AIDA: variants seen among roughly 807,000 people sequenced by gnomAD.
AIDA encodes axin interactor, dorsalization associated, also known as axin interactor, dorsalization-associated protein.
A neutral mutation model predicts 42.7 loss-of-function variants in AIDA; 18 were observed. The observed-to-expected ratio is 0.42, with a 90% CI of 0.29 to 0.63. The LOEUF is 0.63. Ranked by LOEUF, AIDA falls within the 20% of genes least tolerant of loss-of-function variation. The pLI is 0.19. For synonymous variants in AIDA, 104 were observed against 122.9 expected, an observed-to-expected ratio of 0.85 and a Z score of 1.02; for missense variants, 250 against 354.1, an observed-to-expected ratio of 0.71 and a Z score of 2.36.
In AIDA at chr1:222,676,231, A is replaced by G. The variant is rs571981098; in HGVS notation, c.461-13T>C. On this transcript the variant is annotated splice_polypyrimidine_tract_variant and intron_variant, in intron 6 of 9. Coordinates refer to ENST00000340020, the MANE Select transcript of AIDA (RefSeq NM_022831.4). ...GGTAATAAAGTACCTGGCAACAGAG[A>G]AAAAGCAATAAAAGCTCCATATCAT... is the stretch of plus-strand genomic sequence containing the variant. The G allele has an allele frequency of 1.1e-4, 173 of 1,602,202 alleles. 2 individuals are homozygous for G. The South Asian group carries it at 1.8e-3, about 17-fold the overall frequency.
chr1:222,699,928 CGCTG>C (rs1655642022), intron 2 of AIDA, among the ~76,000 whole-genome samples: 1 of 152,062 alleles, frequency 6.6e-6, no homozygotes, highest in Non-Finnish European at 1.5e-5. Flanking sequence ...CCCGCCACCA[CGCTG>C]GCTAATTTTT....
chr1:222,674,046 C>T (rs941877283), intron 7 of AIDA, among the ~76,000 whole-genome samples: 2 of 152,140 alleles, frequency 1.3e-5, no homozygotes, highest in Admixed American at 6.5e-5. Context: ...AAGATCGCGC[C>T]ACTGCACTCC....
rs1664536166 is a variant in AIDA at position 222,675,978 on chromosome 1, A to AAAATGAGTTGTCACATACAT, written c.583+98_583+117dup. On this transcript the variant is annotated intron_variant, in intron 7 of 9. Transcript: ENST00000340020. ...ACTTTGCCTCATGATAGAATGAACTAAAATGAGTTGTCACATACATAAGAC... is the reference window on the plus strand; with the variant it reads ...ACTTTGCCTCATGATAGAATGAACTAAAATGAGTTGTCACATACATAAATGAGTTGTCACATACATAAGAC... 5 of 1,184,280 alleles carry AAAATGAGTTGTCACATACAT rather than the reference A, an allele frequency of 4.2e-6. No individual in the cohort carries two copies. In the South Asian group the frequency reaches 6.7e-5, roughly 16 times the overall value. The allele number at this position is 1,184,280 out of a possible 1,614,324, so 73.4% of individuals were successfully genotyped here. A position where few individuals can be genotyped will look rare whatever the true frequency, so the allele number is the denominator to read the frequency against.
At chr1:222,677,740 T>G (rs1237716811) in intron 6 of AIDA, among the ~76,000 whole-genome samples, 1 of 152,036 alleles carries the variant, frequency 6.6e-6, no homozygotes, top group Non-Finnish European at 1.5e-5. Flanking sequence ...TAACAATATA[T>G]TCTGAAAAAA....
At chr1:222,707,022 G>T (rs1457356200) in intron 1 of AIDA, among the ~76,000 whole-genome samples, 2 of 152,078 alleles carry the variant, frequency 1.3e-5, no homozygotes, top group Non-Finnish European at 2.9e-5. Flanking sequence ...TCTTGTGGGG[G>T]TGATGGAAAT....
intron 2 of AIDA, among the ~76,000 whole-genome samples, chr1:222,700,134 T>C (rs950264824): frequency 2.0e-5 from 3 of 152,162 alleles, no homozygotes; most frequent in Admixed American, 6.5e-5. Context: ...GGGTTCCTTA[T>C]CCAAGTCCAA....
intron 8 of AIDA, among the ~76,000 whole-genome samples, 180 bp downstream of exon 8, chr1:222,673,133 T>C (rs142199981): frequency 2.6e-5 from 4 of 152,346 alleles, no homozygotes; most frequent in East Asian, 3.9e-4. Flanking sequence ...ATTAGACAAG[T>C]AGATAACACA....
chr1:222,702,191 C>A (rs74145539), intron 2 of AIDA, among the ~76,000 whole-genome samples: 2 of 152,114 alleles, frequency 1.3e-5, no homozygotes, highest in South Asian at 2.1e-4. Context: ...TTCCCAAATT[C>A]CTATAAATAA....
chr1:222,676,980 T>C (rs1431660937), intron 6 of AIDA, among the ~76,000 whole-genome samples: 3 of 151,476 alleles, frequency 2.0e-5, no homozygotes, highest in Non-Finnish European at 4.4e-5. Flanking sequence ...GAAGTTTAGA[T>C]CAATTTTAGA....
intron 4 of AIDA, among the ~76,000 whole-genome samples, chr1:222,689,540 CATAT>C (rs1238062853): frequency 2.7e-5 from 2 of 72,780 alleles, no homozygotes; most frequent in African/African-American, 5.2e-5. Flanking sequence ...CACACACACA[CATAT>C]ATATACATAT....
chr1:222,706,135 T>C (rs1247466199), intron 1 of AIDA, among the ~76,000 whole-genome samples: 1 of 152,182 alleles, frequency 6.6e-6, no homozygotes, highest in Non-Finnish European at 1.5e-5. Context: ...GTATGTATTA[T>C]ACACCCGCTA....
intron 4 of AIDA, among the ~76,000 whole-genome samples, chr1:222,689,586 C>T (rs1397642938): frequency 2.1e-5 from 3 of 140,486 alleles, no homozygotes; most frequent in Non-Finnish European, 4.6e-5. Flanking sequence ...TATATACACA[C>T]ACACACACAT....
chr1:222,712,113 T>C, intron 1 of AIDA, 95 bp downstream of exon 1: 2 of 1,532,066 alleles, frequency 1.3e-6, no homozygotes, highest in Non-Finnish European at 1.8e-6. Context: ...TGAGAAGCCT[T>C]GGCTGCAGAT....
At chr1:222,677,894 C>G (rs573098531) in intron 6 of AIDA, among the ~76,000 whole-genome samples, 77 of 152,106 alleles carry the variant, frequency 5.1e-4, no homozygotes, top group African/African-American at 1.6e-3. Flanking sequence ...AATAGAGAAC[C>G]TGGTGTATAT....
At chr1:222,684,134 G>A (rs968560547) in intron 6 of AIDA, among the ~76,000 whole-genome samples, 8 of 150,192 alleles carry the variant, frequency 5.3e-5, no homozygotes, top group South Asian at 2.1e-4. Context: ...TTTTTGAGAC[G>A]GAGTCTGGCT....
intron 4 of AIDA, among the ~76,000 whole-genome samples, chr1:222,689,520 T>TATATATATAC (rs765351898): frequency 0.024 from 1,363 of 57,448 alleles, 51 homozygotes; most frequent in Non-Finnish European, 0.038. Flanking sequence ...TATATATATA[T>TATATATATAC]ACACACATAC....
intron 2 of AIDA, among the ~76,000 whole-genome samples, chr1:222,698,642 G>A (rs1009657307): frequency 4.0e-5 from 6 of 151,868 alleles, no homozygotes; most frequent in African/African-American, 1.2e-4. Flanking sequence ...GTAGAGACGG[G>A]GTTTCTCCGT....
At chr1:222,708,556 G>A (rs1252486755) in intron 1 of AIDA, among the ~76,000 whole-genome samples, 1 of 151,908 alleles carries the variant, frequency 6.6e-6, no homozygotes, top group African/African-American at 2.4e-5. Context: ...TTTTAGTAGA[G>A]AGGGGGTTTC....
chr1:222,697,098 G>T (rs146416794), intron 2 of AIDA, among the ~76,000 whole-genome samples: 33 of 151,704 alleles, frequency 2.2e-4, no homozygotes, highest in African/African-American at 7.7e-4. Context: ...ATCCACCACC[G>T]CGCCCGGCTA....
Sources: allele counts gnomAD v4.1 joint callset (sites outside exome capture counted in the v4.1 genomes callset), GRCh38; gene constraint gnomAD v4.1.1; transcripts MANE v1.5; gene names NCBI Gene and HGNC (gene_info 2026-07-23, HGNC 2026-07-21).